SLIT3: variants seen among roughly 807,000 people sequenced by gnomAD.
The protein encoded by SLIT3 is slit homolog 3 protein.
SLIT3 carries 68 observed loss-of-function variants against 184.0 expected under a neutral mutation model. The observed-to-expected ratio is 0.37, with a 90% CI of 0.30 to 0.45. The LOEUF (loss-of-function observed/expected upper bound fraction) is 0.45, where lower values mean the gene tolerates loss of function less well. Among genes scored for constraint, SLIT3 ranks in the 20% least tolerant of loss-of-function variants. The pLI is 1.00. For missense variants in SLIT3, 1,707 were observed against 2,026.0 expected (o/e 0.84, Z 3.02); for synonymous variants, 831 against 828.6 (o/e 1.00, Z -0.05).
In SLIT3 at chr5:169,050,123, C is replaced by T. The variant is rs561224467; in HGVS notation, c.413+143356G>A. Among the ~76,000 whole-genome samples the T allele has an allele frequency of 2.0e-5, 3 of 152,262 alleles. No individual in the cohort carries two copies. The East Asian group carries it at 5.8e-4, about 29-fold the overall frequency. ...ACAGTCAGCAACAGAACAGAATAGA[C>T]ACATCCAGCAGGCCGTTTGCTGGGC... On this transcript the variant is annotated intron_variant, in intron 4 of 35. Transcript: ENST00000519560.
chr5:169,207,033 C>T (rs10073160), intron 3 of SLIT3, among the ~76,000 whole-genome samples: 1 of 146,536 alleles, frequency 6.8e-6, no homozygotes, highest in Non-Finnish European at 1.5e-5. Context: ...CTGATTGAAT[C>T]TTTTCCTTAT....
At chr5:168,945,775 C>T (rs906999253) in intron 4 of SLIT3, among the ~76,000 whole-genome samples, 1 of 152,224 alleles carries the variant, frequency 6.6e-6, no homozygotes, top group Non-Finnish European at 1.5e-5. Context: ...GCATATGTGG[C>T]TCTGTGAAGA....
rs80164048 is a variant in SLIT3 at position 168,926,035 on chromosome 5, A to G, written c.414-42699T>C. ...TTTCATCCACAGGGTTCTCAGTGAT[A>G]ACACTGCTTTTCTCTTGGGAGCGGT... On this transcript the variant is annotated intron_variant, in intron 4 of 35. Coordinates refer to ENST00000519560, the MANE Select transcript of SLIT3 (RefSeq NM_003062.4). Among the ~76,000 whole-genome samples, 1,414 of 152,292 alleles carry G rather than the reference A, an allele frequency of 9.3e-3. 19 individuals are homozygous for G. The highest frequency in any genetic ancestry group is 0.032 in the African/African-American group (1,341 of 41,556).
intron 3 of SLIT3, among the ~76,000 whole-genome samples, chr5:169,221,906 TAC>T (rs1486701602): frequency 3.9e-5 from 6 of 152,194 alleles, no homozygotes; most frequent in African/African-American, 1.2e-4. Context: ...ACATAGGATG[TAC>T]AGAGATTGCT....
At chr5:168,984,582 G>A (rs1397356745) in intron 4 of SLIT3, among the ~76,000 whole-genome samples, 4 of 152,174 alleles carry the variant, frequency 2.6e-5, no homozygotes, top group Non-Finnish European at 5.9e-5. Flanking sequence ...TCAAGGTGAG[G>A]CTGCATGGGG....
intron 4 of SLIT3, among the ~76,000 whole-genome samples, chr5:169,006,575 C>T (rs1221742216): frequency 2.2e-5 from 3 of 136,528 alleles, no homozygotes; most frequent in Non-Finnish European, 4.7e-5. Flanking sequence ...CTCTTTCCCC[C>T]TCTTCTCTCT....
At chr5:169,215,434 C>T (rs1056045490) in intron 3 of SLIT3, among the ~76,000 whole-genome samples, 9 of 152,254 alleles carry the variant, frequency 5.9e-5, no homozygotes, top group East Asian at 3.9e-4. Flanking sequence ...TCTTTCATCA[C>T]AGAGTGAATG....
chr5:169,224,379 TTATTTA>T (rs745673562), intron 3 of SLIT3, among the ~76,000 whole-genome samples: 1,274 of 80,960 alleles, frequency 0.016, 18 homozygotes, highest in African/African-American at 0.051. Context: ...ATTTATTTAT[TTATTTA>T]TTTTTTTTGA....
At chr5:168,712,625 T>C (rs1762594247) in intron 23 of SLIT3, 1 of 423,682 alleles carries the variant, frequency 2.4e-6, no homozygotes, top group African/African-American at 2.0e-5. Flanking sequence ...CAGTCTCTCT[T>C]AGCCGTGGAA....
Position 168,806,571 on chromosome 5 carries a change from G to C in SLIT3, c.810C>G (p.Pro270=), listed in dbSNP as rs1756969865. Residue 270 remains proline (P), a synonymous_variant, in exon 9 of 36, where the codon CCC becomes CCG. Transcript: ENST00000519560. ...EYVCPAPHSE[P]PSCNANSISC... ...AGATGGAGTTGGCATTGCAGGATGG[G>C]GGCTCCGAGTGGGGGGCTGTGGAGC... 1 of 1,614,030 alleles carries C rather than the reference G, an allele frequency of 6.2e-7. No individual in the cohort carries two copies. Among genetic ancestry groups the C allele is most frequent in the East Asian group, 2.2e-5 (1 of 44,888 alleles).
intron 4 of SLIT3, among the ~76,000 whole-genome samples, chr5:168,991,903 T>G (rs1353179761): frequency 6.6e-6 from 1 of 150,430 alleles, no homozygotes; most frequent in Non-Finnish European, 1.5e-5. Context: ...GGAGCTGGGG[T>G]GGGGGCAACG....
At chr5:169,178,503 C>A (rs941355869) in intron 4 of SLIT3, among the ~76,000 whole-genome samples, 1 of 152,184 alleles carries the variant, frequency 6.6e-6, no homozygotes, top group African/African-American at 2.4e-5. Context: ...GAGAGTCACA[C>A]GTGCGATCAG....
chr5:168,719,419 A>AT (rs1762865317), intron 23 of SLIT3, among the ~76,000 whole-genome samples: 1 of 152,060 alleles, frequency 6.6e-6, no homozygotes, highest in South Asian at 2.1e-4. Flanking sequence ...AACTATCACA[A>AT]TTTTTTTCAT....
chr5:168,985,129 A>T (rs1414265925), intron 4 of SLIT3, among the ~76,000 whole-genome samples: 1 of 152,216 alleles, frequency 6.6e-6, no homozygotes, highest in African/African-American at 2.4e-5. Flanking sequence ...GGATGTTCAG[A>T]GTTCCTTCCG....
intron 4 of SLIT3, among the ~76,000 whole-genome samples, chr5:168,955,902 G>A (rs1762810395): frequency 6.6e-6 from 1 of 152,102 alleles, no homozygotes. Flanking sequence ...ACGACTTCAG[G>A]CTCAGGGATG....
At chr5:169,169,292 C>T (rs1762744283) in intron 4 of SLIT3, among the ~76,000 whole-genome samples, 1 of 152,182 alleles carries the variant, frequency 6.6e-6, no homozygotes, top group Non-Finnish European at 1.5e-5. Context: ...ACCCTGAGCA[C>T]CATTTATCTA....
intron 4 of SLIT3, among the ~76,000 whole-genome samples, chr5:169,056,159 C>T (rs546686454): frequency 6.6e-6 from 1 of 152,190 alleles, no homozygotes; most frequent in South Asian, 2.1e-4. Context: ...CTTCTCCTCT[C>T]AGGTAAAAGC....
chr5:168,973,109 C>T (rs1310191790), intron 4 of SLIT3, among the ~76,000 whole-genome samples: 1 of 135,574 alleles, frequency 7.4e-6, no homozygotes, highest in African/African-American at 2.9e-5. Context: ...GGGACAAAGA[C>T]CAGTCCCCCA....
chr5:169,072,849 C>A (rs1409262682), intron 4 of SLIT3, among the ~76,000 whole-genome samples: 1 of 152,174 alleles, frequency 6.6e-6, no homozygotes, highest in Non-Finnish European at 1.5e-5. Context: ...GTCTCCAACA[C>A]CTTCCTTCTT....
Sources: gnomAD v4.1 joint callset for allele counts (sites outside exome capture counted in the v4.1 genomes callset) on GRCh38, gnomAD v4.1.1 for gene constraint, MANE v1.5 for transcripts, NCBI Gene and HGNC (gene_info 2026-07-23, HGNC 2026-07-21) for gene names.